Variants in SETD2 observed in about 807,000 individuals in gnomAD.
The protein encoded by SETD2 is SET domain containing 2, histone lysine methyltransferase.
Under a neutral mutation model 242.1 loss-of-function variants are expected in SETD2, and 31 were observed. That is an observed-to-expected ratio of 0.13 (90% CI 0.10 to 0.17). The LOEUF is 0.17. Ranked by LOEUF, SETD2 falls within the 10% of genes least tolerant of loss-of-function variation. The pLI is 1.00. For synonymous variants in SETD2, 1,006 were observed against 1,066.5 expected, an observed-to-expected ratio of 0.94 and a Z score of 1.11; for missense variants, 2,481 against 3,046.3, an observed-to-expected ratio of 0.81 and a Z score of 4.37.
intron 11 of SETD2, 106 bp downstream of exon 11, chr3:47,086,089 C>T (rs1057075864): frequency 1.6e-6 from 2 of 1,242,830 alleles, no homozygotes; most frequent in Non-Finnish European, 2.3e-6. Context: ...TATTTAATAC[C>T]AATGATACAG....
chr3:47,098,564 A>C (rs2042092085), intron 8 of SETD2: 1 of 152,686 alleles, frequency 6.5e-6, no homozygotes. Context: ...TCACGACTGT[A>C]ATGTCAGCAC....
At chr3:47,019,118 T>C (rs1365521198) in intron 19 of SETD2, among the ~76,000 whole-genome samples, 2 of 152,252 alleles carry the variant, frequency 1.3e-5, no homozygotes, top group South Asian at 2.1e-4. Context: ...AGTGTCTTGA[T>C]GGTTGGTAAG....
intron 18 of SETD2, among the ~76,000 whole-genome samples, chr3:47,037,172 C>A (rs2039044880): frequency 6.9e-6 from 1 of 144,926 alleles, no homozygotes; most frequent in Non-Finnish European, 1.5e-5. Flanking sequence ...GGTAGATGTG[C>A]ACAACGTGCA....
chr3:47,116,504 T>C, intron 4 of SETD2, 119 bp downstream of exon 4: 4 of 912,688 alleles, frequency 4.4e-6, no homozygotes, highest in Non-Finnish European at 6.6e-6. Flanking sequence ...CTATACTTTT[T>C]TGCTTGTAGT....
At chr3:47,132,792 G>A (rs1343672256) in intron 1 of SETD2, among the ~76,000 whole-genome samples, 1 of 152,162 alleles carries the variant, frequency 6.6e-6, no homozygotes, top group Non-Finnish European at 1.5e-5. Context: ...CTTGAGTGTA[G>A]TATAGGCCTC....
intron 7 of SETD2, among the ~76,000 whole-genome samples, chr3:47,103,091 T>C (rs747451511): frequency 3.9e-5 from 6 of 152,204 alleles, no homozygotes; most frequent in Non-Finnish European, 7.3e-5. Flanking sequence ...CTGGATCTGA[T>C]CCTTTTATTA....
In SETD2 at chr3:47,057,394, A is replaced by G. The variant is rs2107577563; in HGVS notation, c.6390T>C (p.Ala2130=). 1 of 1,614,180 alleles carries G rather than the reference A, an allele frequency of 6.2e-7. No individual in the cohort carries two copies. Among genetic ancestry groups the G allele is most frequent in the Non-Finnish European group, 8.5e-7 (1 of 1,180,040 alleles). ...ERRKLFEQEV[A]QREAQKQQQQ... is the part of the protein sequence containing the mutation. ...GCTGTTGTTTCTGAGCCTCCCGTTG[A>G]GCCACCTCTTGCTCAAACAACTTCC... Residue 2130 remains alanine (A), a synonymous_variant, in exon 15 of 21, where the codon GCT becomes GCC. Coordinates refer to ENST00000409792, the MANE Select transcript of SETD2 (RefSeq NM_014159.7).
intron 1 of SETD2, chr3:47,157,456 T>A (rs1006327323): frequency 2.2e-6 from 1 of 456,066 alleles, no homozygotes; most frequent in Non-Finnish European, 4.4e-6. Flanking sequence ...GTATCTCATT[T>A]GAACATGCTG....
chr3:47,159,108 TA>T (rs201322024), intron 1 of SETD2, among the ~76,000 whole-genome samples: 2 of 149,426 alleles, frequency 1.3e-5, no homozygotes, highest in Non-Finnish European at 1.5e-5. Flanking sequence ...GATTCCATCT[TA>T]AAAAAAAAAT....
intron 4 of SETD2, among the ~76,000 whole-genome samples, chr3:47,115,547 C>G (rs2042819574): frequency 6.6e-6 from 1 of 151,900 alleles, no homozygotes. Flanking sequence ...TGAGCAAAAC[C>G]AAAAACTGAG....
intron 16 of SETD2, among the ~76,000 whole-genome samples, chr3:47,043,772 AG>A (rs2039390445): frequency 6.6e-6 from 1 of 152,130 alleles, no homozygotes; most frequent in Non-Finnish European, 1.5e-5. Flanking sequence ...TTTCTGGCCC[AG>A]CTTAAGTTTC....
At chr3:47,153,860 T>A (rs1029277356) in intron 1 of SETD2, among the ~76,000 whole-genome samples, 18 of 152,058 alleles carry the variant, frequency 1.2e-4, no homozygotes, top group Non-Finnish European at 2.5e-4. Flanking sequence ...ATCTGCTTAA[T>A]CCATCAGTAC....
At chr3:47,021,512 T>C (rs2107498270) in intron 18 of SETD2, among the ~76,000 whole-genome samples, 1 of 152,110 alleles carries the variant, frequency 6.6e-6, no homozygotes, top group South Asian at 2.1e-4. Flanking sequence ...AAAACACAAT[T>C]ATAGAATACA....
At chr3:47,072,338 A>G (rs1559689729) in intron 12 of SETD2, among the ~76,000 whole-genome samples, 1 of 152,126 alleles carries the variant, frequency 6.6e-6, no homozygotes, top group Non-Finnish European at 1.5e-5. Flanking sequence ...TTACAGGCGC[A>G]AGATTTCCAC....
At chr3:47,151,544 C>T (rs9818382) in intron 1 of SETD2, among the ~76,000 whole-genome samples, 99,154 of 151,868 alleles carry the variant, frequency 0.65, 32,796 homozygotes, top group African/African-American at 0.76. Flanking sequence ...TCTCTAAGAG[C>T]ATGCCGCGTA....
chr3:47,032,009 G>C (rs1056605603), intron 18 of SETD2, among the ~76,000 whole-genome samples: 1 of 152,162 alleles, frequency 6.6e-6, no homozygotes, highest in Admixed American at 6.5e-5. Flanking sequence ...TACAGCTGAA[G>C]TCTCATTGCC....
intron 9 of SETD2, among the ~76,000 whole-genome samples, chr3:47,088,871 A>G (rs1313015740): frequency 6.6e-6 from 1 of 152,188 alleles, no homozygotes; most frequent in African/African-American, 2.4e-5. Flanking sequence ...GTGTACCTGG[A>G]GATTCATAAG....
At chr3:47,098,995 A>T (rs2042107998) in intron 8 of SETD2, among the ~76,000 whole-genome samples, 1 of 152,204 alleles carries the variant, frequency 6.6e-6, no homozygotes, top group Non-Finnish European at 1.5e-5. Context: ...CCCGACACAG[A>T]ACCTGGTCTG....
In SETD2 at chr3:47,087,097, G is replaced by A. The variant is rs142882393; in HGVS notation, c.5278-783C>T. Among the ~76,000 whole-genome samples the A allele has an allele frequency of 4.0e-5, 6 of 151,286 alleles. No homozygotes were observed. In the East Asian group the frequency reaches 1.2e-3, roughly 30 times the overall value. On this transcript the variant is annotated intron_variant, in intron 10 of 20. Coordinates refer to ENST00000409792, the MANE Select transcript of SETD2 (RefSeq NM_014159.7). ...CTTGTGGCATACTTAATAAACTGGT[G>A]TAAAAAAGGGTACCGTTAAAATTTT...
Sources: allele counts gnomAD v4.1 joint callset (sites outside exome capture counted in the v4.1 genomes callset), GRCh38; gene constraint gnomAD v4.1.1; transcripts MANE v1.5; gene names NCBI Gene and HGNC (gene_info 2026-07-23, HGNC 2026-07-21).